CBARP: variants seen among roughly 807,000 people sequenced by gnomAD.
CBARP encodes the protein CACN subunit beta associated regulatory protein, also known as voltage-dependent calcium channel beta subunit-associated regulatory protein.
Under a neutral mutation model 36.3 loss-of-function variants are expected in CBARP, and 24 were observed. The observed-to-expected ratio is 0.66, with a 90% confidence interval of 0.48 to 0.93. The LOEUF is 0.93. CBARP is among the 40% of genes least tolerant of loss of function. The pLI, the probability that CBARP is intolerant of heterozygous loss-of-function variation, is 0.00. For synonymous variants in CBARP, 586 were observed against 453.2 expected, an observed-to-expected ratio of 1.29 and a Z score of -3.72; for missense variants, 1,146 against 980.4, an observed-to-expected ratio of 1.17 and a Z score of -2.26.
chr19:1,230,924 G>T, intron 9 of CBARP, 177 bp downstream of exon 9: 1 of 1,580,520 alleles, frequency 6.3e-7, no homozygotes. Flanking sequence ...CCCTCCTCTG[G>T]TCCATGCTGG....
At chr19:1,230,165 AGAGCCCCGCC>A (rs2080870840) in intron 9 of CBARP, 23 bp from the exon 10 acceptor site, 1 of 1,000,088 alleles carries the variant, frequency 1.0e-6, no homozygotes, top group Non-Finnish European at 1.2e-6. Flanking sequence ...CCGCGCCGTC[AGAGCCCCGCC>A]GAGCCCCGCG....
At chr19:1,234,928 C>T in intron 5 of CBARP, 73 bp downstream of exon 5, 2 of 1,539,822 alleles carry the variant, frequency 1.3e-6, no homozygotes, top group African/African-American at 2.7e-5. Context: ...CCTCCGCACC[C>T]AGCTCCTCCC....
rs13346715 is a variant in CBARP, at chr19:1,235,072, C to T, written c.384G>A (p.Thr128=). The T allele has an allele frequency of 3.7e-3, 5,975 of 1,610,516 alleles. 155 individuals are homozygous for T. The African/African-American group carries it at 0.067, about 18-fold the overall frequency. ...ETERFLSTSS[T]GRRVSFNEAA... The stretch of plus-strand genomic sequence containing the variant: ...CCTCATTGAAGGAGACCCGGCGGCC[C>T]GTGGAGCTGGTGGACAGGAAGCGTT... The change falls in exon 5 of 10, where the codon ACG becomes ACA. Residue 128 remains threonine (T), a synonymous_variant. Coordinates refer to ENST00000650044, the MANE Select transcript of CBARP (RefSeq NM_001393918.1).
At chr19:1,236,195 C>G in intron 1 of CBARP, 74 bp from the exon 2 acceptor site, 3 of 1,352,632 alleles carry the variant, frequency 2.2e-6, no homozygotes, top group Non-Finnish European at 2.8e-6. Flanking sequence ...CAAGCTGGGT[C>G]TTCCCTGCAG....
chr19:1,229,184 C>A lies in CBARP; in HGVS notation c.2113G>T (p.Ala705Ser). 8.6e-7 allele frequency: 1 copy of A among 1,159,356 alleles called. No homozygotes were observed. Among genetic ancestry groups the A allele is most frequent in the Non-Finnish European group, 1.1e-6 (1 of 920,586 alleles). 71.8% of individuals were successfully genotyped at this position (1,159,356 alleles called of 1,614,324 possible). ...ATGGGCCCAGGACGCGGGACTTAGG[C>A]CGGGCTGTGGTCGGGGGACGTGGGG... Reference protein sequence around the residue: ...AAPTSPDHSPA With the variant: ...AAPTSPDHSPS Residue 705 changes from alanine (A) to serine (S), a missense_variant, in exon 10 of 10, where the codon GCC becomes TCC. Transcript: ENST00000650044. The surrounding 1 kb of genome is among the most constrained non-coding windows in gnomAD (Gnocchi z 5.1).
intron 8 of CBARP, among the ~76,000 whole-genome samples, chr19:1,231,524 A>G (rs1599942688): frequency 2.1e-5 from 1 of 48,326 alleles, no homozygotes; most frequent in Non-Finnish European, 3.7e-5. Context: ...GCCCCCCACC[A>G]CAGAACGCCT....
chr19:1,232,985 C>T (rs2080913586), intron 8 of CBARP, among the ~76,000 whole-genome samples: 2 of 152,372 alleles, frequency 1.3e-5, no homozygotes, highest in South Asian at 4.1e-4. Context: ...GATGGTCTGC[C>T]AGCGGGCGAG....
Position 1,234,229 on chromosome 19 carries a change from T to G in CBARP, c.730A>C (p.Ser244Arg). ...CCAGAGTCGCTAGATGCCGAGGGGC[T>G]GATCTCTGCGAAGTCAGTGGCGCCC... ...AAGATDFAEI[S>R]PSASSDSGEG... The change falls in exon 7 of 10, where the codon AGC (serine) becomes CGC (arginine). Residue 244 changes from serine (S) to arginine (R), a missense_variant. Physicochemically the swap from Ser to Arg is moderately radical, Grantham distance 110. Coordinates refer to ENST00000650044, the MANE Select transcript of CBARP (RefSeq NM_001393918.1). The G allele has an allele frequency of 6.6e-7, 1 of 1,513,704 alleles. No individual in the cohort carries two copies. The allele number at this position is 1,513,704 out of a possible 1,614,324, so 93.8% of individuals were successfully genotyped here.
At chr19:1,238,324 G>C (rs945210053), upstream of CBARP, 3 of 152,384 alleles carry the variant, frequency 2.0e-5, no homozygotes, top group African/African-American at 7.2e-5. Flanking sequence ...CACAGCCAGG[G>C]CCCCTCGGCC....
In CBARP at chr19:1,229,121, C is replaced by T. The variant is rs2080855660; in HGVS notation, c.*58G>A. ...TCGCGCCCCCACGTCTCTCCCGCCG[C>T]CGAGGCCCCGTGCGGCGCCGGAGAA... On this transcript the variant is annotated 3_prime_UTR_variant, in exon 10 of 10. Transcript: ENST00000650044. The surrounding 1 kb of genome is among the most constrained non-coding windows in gnomAD (Gnocchi z 5.1). 1.1e-5 allele frequency: 8 copies of T among 741,468 alleles called. No homozygotes were observed. The South Asian group carries it at 2.3e-4, about 21-fold the overall frequency. 45.9% of individuals were successfully genotyped at this position (741,468 alleles called of 1,614,324 possible).
chr19:1,235,539 G>T lies in CBARP; in HGVS notation c.272C>A (p.Thr91Asn). 6.2e-7 allele frequency: 1 copy of T among 1,607,044 alleles called. No individual in the cohort carries two copies. Among genetic ancestry groups the T allele is most frequent in the Non-Finnish European group, 8.5e-7 (1 of 1,177,428 alleles). Reference protein sequence around the residue: ...NRAMEEAEKTTTTYLDNGTHP... With the variant: ...NRAMEEAEKTNTTYLDNGTHP... Reference sequence around the variant, plus strand: ...GGTGCCGTTGTCCAGGTAGGTGGTGGTGGTCTTCTCCGCTTCCTCCATGGC... The same window carrying T: ...GGTGCCGTTGTCCAGGTAGGTGGTGTTGGTCTTCTCCGCTTCCTCCATGGC... Residue 91 changes from threonine to asparagine, a missense_variant, in exon 4 of 10, where the codon ACC (threonine) becomes AAC (asparagine). Physicochemically the swap from Thr to Asn is moderately conservative, Grantham distance 65. Transcript: ENST00000650044.
At chr19:1,234,547 CG>C in intron 6 of CBARP, 23 bp downstream of exon 6, 1 of 1,580,846 alleles carries the variant, frequency 6.3e-7, no homozygotes, top group Non-Finnish European at 8.6e-7. Flanking sequence ...CCCGAGGAAC[CG>C]GGGCTGCTGC....
chr19:1,230,313 C>A (rs1366558330), intron 9 of CBARP, 171 bp from the exon 10 acceptor site: 10 of 989,160 alleles, frequency 1.0e-5, no homozygotes, highest in Non-Finnish European at 1.2e-5. Context: ...GGGGATGCGT[C>A]TTGCATTGAC....
intron 3 of CBARP, 78 bp downstream of exon 3, chr19:1,235,701 C>T: frequency 1.2e-6 from 2 of 1,602,016 alleles, no homozygotes; most frequent in Non-Finnish European, 1.7e-6. Context: ...ACTCAGAAGC[C>T]AGTGAGGTAG....
Position 1,235,447 on chromosome 19 carries a change from G to A in CBARP, c.310+54C>T. The A allele has an allele frequency of 1.3e-6, 2 of 1,503,942 alleles. 1 individual carries two copies. Among genetic ancestry groups the A allele is most frequent in the South Asian group, 2.5e-5 (2 of 79,502 alleles). The allele number at this position is 1,503,942 out of a possible 1,614,324, so 93.2% of individuals were successfully genotyped here. A position where few individuals can be genotyped will look rare whatever the true frequency, so the allele number is the denominator to read the frequency against. On this transcript the variant is annotated intron_variant, in intron 4 of 9. Transcript: ENST00000650044. ...CAGGCAGCCCGAGGGGGCGGCGGGT[G>A]GCCGAGGGGCGGATGGACAGGCGAG...
rs2080845226 is a variant in CBARP, at chr19:1,228,402, T to G, written c.*777A>C. ...CCGTGCGGGCGAGGCCGCCCAAATT[T>G]GGCAATAAATAAAGCTTGGGAAGCT... On this transcript the variant is annotated 3_prime_UTR_variant, in exon 10 of 10. Coordinates refer to ENST00000650044, the MANE Select transcript of CBARP (RefSeq NM_001393918.1). 1 of 227,446 alleles carries G rather than the reference T, an allele frequency of 4.4e-6. No individual in the cohort carries two copies. The highest frequency in any genetic ancestry group is 8.7e-6 in the Non-Finnish European group (1 of 114,468). 14.1% of individuals were successfully genotyped at this position (227,446 alleles called of 1,614,324 possible).
In CBARP at chr19:1,234,559, C is replaced by A; in HGVS notation, c.627+12G>T. 6.3e-7 allele frequency: 1 copy of A among 1,596,196 alleles called. No individual in the cohort carries two copies. Among genetic ancestry groups the A allele is most frequent in the East Asian group, 2.3e-5 (1 of 44,272 alleles). ...TCCCCCGAGGAACCGGGGCTGCTGC[C>A]CATAGGCTCACCTGGAAGATGGCCA... On this transcript the variant is annotated intron_variant, in intron 6 of 9. Transcript: ENST00000650044.
chr19:1,235,210 G>A (rs2080950479), intron 4 of CBARP, 65 bp from the exon 5 acceptor site: 1 of 1,403,130 alleles, frequency 7.1e-7, no homozygotes, highest in African/African-American at 1.5e-5. Context: ...GTCCCGGGAG[G>A]GCTGCTCCTC....
At chr19:1,231,678 T>C (rs1400434006) in intron 8 of CBARP, among the ~76,000 whole-genome samples, 2 of 147,536 alleles carry the variant, frequency 1.4e-5, no homozygotes, top group African/African-American at 2.5e-5. Flanking sequence ...GCGTGTGCCC[T>C]GTCTCTGTCT....
Sources: gnomAD v4.1 joint callset for allele counts (sites outside exome capture counted in the v4.1 genomes callset) on GRCh38, gnomAD v4.1.1 for gene constraint, Gnocchi (gnomAD v3.1) non-coding constraint, MANE v1.5 for transcripts, NCBI Gene and HGNC (gene_info 2026-07-23, HGNC 2026-07-21) for gene names.